Variants in HOMER2 observed in about 807,000 individuals in gnomAD.
HOMER2 encodes the protein homer scaffold protein 2.
A neutral mutation model predicts 47.0 loss-of-function variants in HOMER2; 27 were observed. The ratio of observed to expected loss-of-function variants is 0.57; its 90% CI spans 0.42 to 0.79. HOMER2 has a LOEUF of 0.79. Ranked by LOEUF, HOMER2 falls within the 30% of genes least tolerant of loss-of-function variation. The pLI is 0.00. For missense variants in HOMER2, 443 were observed against 435.0 expected (o/e 1.02, Z -0.16); for synonymous variants, 161 against 163.8 (o/e 0.98, Z 0.13).
chr15:82,852,621 A>T (rs555009063), intron 6 of HOMER2: 1 of 194,126 alleles, frequency 5.2e-6, no homozygotes, highest in East Asian at 1.5e-4. Flanking sequence ...CCCTGAATTG[A>T]TCTGCTTTTC....
chr15:82,983,384 G>A (rs1023013275), intron 1 of HOMER2, among the ~76,000 whole-genome samples: 5 of 152,144 alleles, frequency 3.3e-5, no homozygotes, highest in Admixed American at 3.3e-4. Context: ...TCTGGGTAGA[G>A]CCTCTCTTTC....
intron 3 of HOMER2, among the ~76,000 whole-genome samples, chr15:82,874,360 T>G (rs1016358963): frequency 1.3e-5 from 2 of 152,198 alleles, no homozygotes; most frequent in Non-Finnish European, 2.9e-5. Flanking sequence ...AACTAGTCAG[T>G]CTTACCTTAA....
chr15:82,893,464 C>G (rs1247298073), intron 1 of HOMER2, among the ~76,000 whole-genome samples: 1 of 150,846 alleles, frequency 6.6e-6, no homozygotes, highest in East Asian at 2.0e-4. Context: ...TCCTGAGTAG[C>G]TGGGATTACA....
intron 1 of HOMER2, among the ~76,000 whole-genome samples, chr15:82,963,034 C>T (rs1403343183): frequency 6.6e-6 from 1 of 152,134 alleles, no homozygotes; most frequent in Non-Finnish European, 1.5e-5. Context: ...AATCCTAGCA[C>T]TTTGGGAGGC....
chr15:82,962,293 A>G (rs892787067), intron 1 of HOMER2, among the ~76,000 whole-genome samples: 2 of 142,224 alleles, frequency 1.4e-5, no homozygotes, highest in African/African-American at 5.3e-5. Flanking sequence ...CGAACCTGGG[A>G]GGTGGAGCTT....
At chr15:82,880,413 G>A (rs758198209) in intron 2 of HOMER2, among the ~76,000 whole-genome samples, 4 of 152,178 alleles carry the variant, frequency 2.6e-5, no homozygotes, top group Non-Finnish European at 5.9e-5. Context: ...CTTGAGGAGT[G>A]GATGGGAGAG....
At chr15:82,846,180 C>CA (rs1335890749), downstream of HOMER2, 4 of 152,362 alleles carry the variant, frequency 2.6e-5, no homozygotes, top group Non-Finnish European at 4.4e-5. Context: ...ACTCTGTTTC[C>CA]ATTCCTGCGA....
At chr15:82,874,264 G>C (rs773846459) in intron 3 of HOMER2, among the ~76,000 whole-genome samples, 20 of 152,178 alleles carry the variant, frequency 1.3e-4, no homozygotes, top group Non-Finnish European at 2.6e-4. Flanking sequence ...AGCAAGTCTG[G>C]CTCTGGCCCT....
intron 1 of HOMER2, among the ~76,000 whole-genome samples, chr15:82,914,178 TACACACAC>T (rs58323062): frequency 0.13 from 15,419 of 116,702 alleles, 1,012 homozygotes; most frequent in Middle Eastern, 0.19. Flanking sequence ...CTACTAAAAA[TACACACAC>T]ACACACACAC....
chr15:82,862,778 G>A (rs1032327563), intron 4 of HOMER2, among the ~76,000 whole-genome samples: 1 of 152,108 alleles, frequency 6.6e-6, no homozygotes. Flanking sequence ...GCCAGAACAA[G>A]GTATTGGAAA....
chr15:82,952,915 G>T (rs1418178201), upstream of HOMER2, among the ~76,000 whole-genome samples: 1 of 152,014 alleles, frequency 6.6e-6, no homozygotes, highest in Non-Finnish European at 1.5e-5. Context: ...GGGCCACCCA[G>T]TCCTCGGTGC....
At chr15:82,893,545 C>T (rs1003159216) in intron 1 of HOMER2, among the ~76,000 whole-genome samples, 10 of 151,176 alleles carry the variant, frequency 6.6e-5, no homozygotes, top group Non-Finnish European at 1.5e-4. Flanking sequence ...GTTGGCCGGG[C>T]TGGTCTCGAA....
At chr15:82,938,370 TC>T (rs1377190353) in intron 1 of HOMER2, among the ~76,000 whole-genome samples, 1 of 151,798 alleles carries the variant, frequency 6.6e-6, no homozygotes, top group African/African-American at 2.4e-5. Flanking sequence ...CAAGACACCG[TC>T]CCCCGCAAAA....
At chr15:82,918,295 G>A (rs2053640186) in intron 1 of HOMER2, among the ~76,000 whole-genome samples, 1 of 152,110 alleles carries the variant, frequency 6.6e-6, no homozygotes. Flanking sequence ...AGATACTCAG[G>A]CCACGGTGCT....
chr15:82,852,745 GAAAAGGGAAGC>G (rs1205833374), intron 6 of HOMER2: 1 of 152,792 alleles, frequency 6.5e-6, no homozygotes, highest in Non-Finnish European at 1.5e-5. Context: ...AGTGGCTGCC[GAAAAGGGAAGC>G]AATGACATTT....
chr15:82,893,364 G>A (rs1369151695), intron 1 of HOMER2, among the ~76,000 whole-genome samples: 5 of 124,716 alleles, frequency 4.0e-5, no homozygotes, highest in Non-Finnish European at 3.2e-5. Flanking sequence ...ATAGAGTCTC[G>A]CTCTGTTGCC....
At chr15:82,873,614 C>T (rs1219236970) in intron 3 of HOMER2, among the ~76,000 whole-genome samples, 1 of 152,146 alleles carries the variant, frequency 6.6e-6, no homozygotes, top group African/African-American at 2.4e-5. Context: ...GACCTGCCCT[C>T]GAGATTTTTG....
chr15:82,857,426 T>C (rs1755826639), intron 5 of HOMER2, among the ~76,000 whole-genome samples: 1 of 65,714 alleles, frequency 1.5e-5, no homozygotes, highest in Non-Finnish European at 3.0e-5. Context: ...ATACAGCTTT[T>C]TTTTTTTTTT....
chr15:82,877,870 T>C (rs1317930960), intron 2 of HOMER2, among the ~76,000 whole-genome samples: 1 of 151,684 alleles, frequency 6.6e-6, no homozygotes, highest in Non-Finnish European at 1.5e-5. Context: ...AAAATGGAGA[T>C]CTAAACTACT....
Sources: allele counts gnomAD v4.1 joint callset (sites outside exome capture counted in the v4.1 genomes callset), GRCh38; gene constraint gnomAD v4.1.1; transcripts MANE v1.5; gene names NCBI Gene and HGNC (gene_info 2026-07-23, HGNC 2026-07-21).